The following MAST4 variants were observed in gnomAD, a reference collection of about 807,000 sequenced individuals.
The protein encoded by MAST4 is microtubule-associated serine/threonine-protein kinase 4.
A neutral mutation model predicts 162.7 loss-of-function variants in MAST4; 89 were observed. The observed-to-expected ratio is 0.55, with a 90% CI of 0.46 to 0.65. MAST4 has a LOEUF of 0.65. MAST4 is among the 30% of genes least tolerant of loss of function. The probability of loss-of-function intolerance (pLI) is 0.00; values close to 1 mark genes in which losing one functional copy is unlikely to be tolerated. For missense variants in MAST4, 3,153 were observed against 3,374.0 expected, an observed-to-expected ratio of 0.93 and a Z score of 1.62; for synonymous variants, 1,479 against 1,361.1, an observed-to-expected ratio of 1.09 and a Z score of -1.91.
At chr5:66,933,472 C>T (rs1278535704) in intron 4 of MAST4, among the ~76,000 whole-genome samples, 1 of 152,186 alleles carries the variant, frequency 6.6e-6, no homozygotes, top group Non-Finnish European at 1.5e-5. Flanking sequence ...TAATGCACCT[C>T]TTACAAACTA....
At chr5:66,801,140 A>C (rs1180447386) in intron 3 of MAST4, among the ~76,000 whole-genome samples, 1 of 152,134 alleles carries the variant, frequency 6.6e-6, no homozygotes, top group Non-Finnish European at 1.5e-5. Flanking sequence ...CCTAATATGT[A>C]AATGTATTTT....
chr5:67,061,196 A>G (rs1759538587), intron 5 of MAST4, among the ~76,000 whole-genome samples: 1 of 152,052 alleles, frequency 6.6e-6, no homozygotes, highest in South Asian at 2.1e-4. Context: ...ATGTGACTGA[A>G]ATGCCTATGT....
chr5:66,693,021 A>G (rs1223713777), intron 1 of MAST4, among the ~76,000 whole-genome samples: 4 of 147,678 alleles, frequency 2.7e-5, no homozygotes, highest in Admixed American at 1.4e-4. Flanking sequence ...ACATGCTTCC[A>G]GGTGAACTGT....
intron 1 of MAST4, among the ~76,000 whole-genome samples, chr5:66,745,205 A>C (rs1416738427): frequency 2.0e-5 from 3 of 152,312 alleles, no homozygotes; most frequent in East Asian, 1.9e-4. Flanking sequence ...GCCTCAAACC[A>C]CTGCCTTCCT....
intron 1 of MAST4, among the ~76,000 whole-genome samples, chr5:66,752,051 G>T (rs10940085): frequency 6.6e-6 from 1 of 151,572 alleles, no homozygotes; most frequent in African/African-American, 2.4e-5. Flanking sequence ...ACTAAGCTTC[G>T]TAAGTGAAGG....
chr5:66,907,829 G>A (rs1437935293), intron 4 of MAST4, among the ~76,000 whole-genome samples: 1 of 152,096 alleles, frequency 6.6e-6, no homozygotes, highest in African/African-American at 2.4e-5. Context: ...AATGTTTCCT[G>A]AAAGAGAGGG....
intron 3 of MAST4, among the ~76,000 whole-genome samples, chr5:66,878,723 T>G (rs1169642679): frequency 6.6e-6 from 1 of 152,224 alleles, no homozygotes; most frequent in African/African-American, 2.4e-5. Context: ...AGAACTCTTT[T>G]GGCCTAGATA....
At chr5:67,076,318 T>C (rs1044130139) in intron 5 of MAST4, among the ~76,000 whole-genome samples, 1 of 152,194 alleles carries the variant, frequency 6.6e-6, no homozygotes, top group African/African-American at 2.4e-5. Context: ...ACCAAGGTCC[T>C]CTCTTTCATG....
chr5:67,160,423 TTTC>T (rs1773054407), intron 26 of MAST4, 30 bp from the exon 27 acceptor site: 2 of 1,590,990 alleles, frequency 1.3e-6, no homozygotes, highest in Non-Finnish European at 1.7e-6. Flanking sequence ...CATCACAGCA[TTTC>T]CCTTTAATGC....
chr5:66,832,420 AC>A (rs1757670681), intron 3 of MAST4, among the ~76,000 whole-genome samples: 1 of 151,566 alleles, frequency 6.6e-6, no homozygotes. Context: ...CCGACTGCAC[AC>A]CCCCCACCCC....
intron 1 of MAST4, among the ~76,000 whole-genome samples, chr5:66,676,219 A>G (rs772652589): frequency 1.3e-5 from 2 of 152,236 alleles, no homozygotes; most frequent in Non-Finnish European, 2.9e-5. Context: ...TCTGGAAGGA[A>G]GCACAGGTGG....
At chr5:66,863,635 C>T (rs1157468912) in intron 3 of MAST4, among the ~76,000 whole-genome samples, 2 of 152,180 alleles carry the variant, frequency 1.3e-5, no homozygotes, top group Non-Finnish European at 2.9e-5. Context: ...CCCACCTCCT[C>T]AGCTGCCACA....
intron 2 of MAST4, among the ~76,000 whole-genome samples, chr5:66,781,735 T>C (rs1413961028): frequency 6.6e-6 from 1 of 152,192 alleles, no homozygotes; most frequent in African/African-American, 2.4e-5. Context: ...CTCTTTGATA[T>C]CCTGCTTATA....
chr5:66,882,249 G>A (rs924420367), intron 3 of MAST4, among the ~76,000 whole-genome samples: 4 of 152,130 alleles, frequency 2.6e-5, no homozygotes, highest in African/African-American at 9.7e-5. Flanking sequence ...GATTTGCTGA[G>A]CCTCTAGGGT....
At chr5:67,078,980 C>T (rs1340661975) in intron 5 of MAST4, among the ~76,000 whole-genome samples, 2 of 103,306 alleles carry the variant, frequency 1.9e-5, no homozygotes, top group Non-Finnish European at 3.7e-5. Context: ...GTCAAATTAC[C>T]AAAATCTGAA....
At chr5:66,743,464 T>C (rs1168206170) in intron 1 of MAST4, among the ~76,000 whole-genome samples, 1 of 152,164 alleles carries the variant, frequency 6.6e-6, no homozygotes, top group African/African-American at 2.4e-5. Context: ...AAGCCCTAAG[T>C]TCCTGCGTGC....
At chr5:66,726,934 CA>C (rs1264242315) in intron 1 of MAST4, among the ~76,000 whole-genome samples, 1 of 152,022 alleles carries the variant, frequency 6.6e-6, no homozygotes, top group East Asian at 1.9e-4. Context: ...GATCATTTGG[CA>C]GAGGGGTGGA....
At chr5:66,805,318 T>C (rs1288572683) in intron 3 of MAST4, among the ~76,000 whole-genome samples, 1 of 152,234 alleles carries the variant, frequency 6.6e-6, no homozygotes, top group Admixed American at 6.5e-5. Flanking sequence ...GTTCTAGTCC[T>C]TTGATTTGTC....
chr5:67,075,777 G>T (rs1175830762), intron 5 of MAST4, among the ~76,000 whole-genome samples: 1 of 152,062 alleles, frequency 6.6e-6, no homozygotes, highest in Non-Finnish European at 1.5e-5. Flanking sequence ...CCACTTGCTA[G>T]CACATTTTTA....
Sources: gnomAD v4.1 joint callset for allele counts (sites outside exome capture counted in the v4.1 genomes callset) on GRCh38, gnomAD v4.1.1 for gene constraint, MANE v1.5 for transcripts, NCBI Gene and HGNC (gene_info 2026-07-23, HGNC 2026-07-21) for gene names.